Variants in AZIN2 observed in about 807,000 individuals in gnomAD.
The protein encoded by AZIN2 is ODC antizyme inhibitor-2.
A neutral mutation model predicts 47.8 loss-of-function variants in AZIN2; 28 were observed. The observed-to-expected ratio is 0.59, with a 90% CI of 0.43 to 0.80. The LOEUF (loss-of-function observed/expected upper bound fraction) is 0.80, where lower values mean the gene tolerates loss of function less well. Ranked by LOEUF, AZIN2 falls within the 30% of genes least tolerant of loss-of-function variation. The probability of loss-of-function intolerance (pLI) is 0.00; values close to 1 mark genes in which losing one functional copy is unlikely to be tolerated. For synonymous variants in AZIN2, 221 were observed against 239.4 expected (o/e 0.92, Z 0.71); for missense variants, 535 against 582.5 (o/e 0.92, Z 0.84).
chr1:33,135,809 T>G, the AZIN2 span, among the ~76,000 whole-genome samples: 9 of 152,232 alleles, frequency 5.9e-5, no homozygotes, highest in African/African-American at 2.4e-5. Context: ...CTCTTTGATA[T>G]AGACCTGGGA....
chr1:33,134,656 G>A, the AZIN2 span, among the ~76,000 whole-genome samples: 2 of 152,204 alleles, frequency 1.3e-5, no homozygotes, highest in African/African-American at 2.4e-5. Context: ...GTTTACGCAG[G>A]GAAGCTGTGG....
At chr1:33,094,008 C>T (rs1193163417) in intron 7 of AZIN2, among the ~76,000 whole-genome samples, 1 of 152,168 alleles carries the variant, frequency 6.6e-6, no homozygotes, top group Non-Finnish European at 1.5e-5. Flanking sequence ...GCTGGGATTA[C>T]AGGTGTGAGC....
the AZIN2 span, among the ~76,000 whole-genome samples, chr1:33,144,457 G>A: frequency 6.6e-6 from 1 of 152,190 alleles, no homozygotes; most frequent in Non-Finnish European, 1.5e-5. Flanking sequence ...TTACTTCTGA[G>A]CAAGTGTGAT....
chr1:33,093,224 G>C, intron 6 of AZIN2, 58 bp from the exon 7 acceptor site: 1 of 1,602,770 alleles, frequency 6.2e-7, no homozygotes, highest in Non-Finnish European at 8.5e-7. Flanking sequence ...ATTGAGAGAT[G>C]TGGCTGGGGT....
At chr1:33,165,435 CT>C in the AZIN2 span, 1 of 1,537,070 alleles carries the variant, frequency 6.5e-7, no homozygotes, top group East Asian at 2.4e-5. The surrounding 1 kb of genome is among the most constrained non-coding windows in gnomAD (Gnocchi z 4.0). Context: ...GCCCTCATCT[CT>C]GCCGGCCCCA....
At chr1:33,099,086 G>C (rs1485464052) in intron 10 of AZIN2, among the ~76,000 whole-genome samples, 1 of 152,048 alleles carries the variant, frequency 6.6e-6, no homozygotes, top group South Asian at 2.1e-4. Context: ...CTTGACCTTT[G>C]TGCAGCCCCT....
intron 10 of AZIN2, among the ~76,000 whole-genome samples, chr1:33,101,329 G>A (rs1643674573): frequency 6.6e-6 from 1 of 152,176 alleles, no homozygotes; most frequent in South Asian, 2.1e-4. Context: ...ATGAACCACT[G>A]TGCCTGGCCC....
At chr1:33,129,039 A>T in the AZIN2 span, among the ~76,000 whole-genome samples, 1 of 152,114 alleles carries the variant, frequency 6.6e-6, no homozygotes, top group African/African-American at 2.4e-5. The surrounding 1 kb of genome is among the most constrained non-coding windows in gnomAD (Gnocchi z 4.1). Flanking sequence ...CCAGGTAGAA[A>T]AGTCTGGGGA....
At chr1:33,130,612 T>C in the AZIN2 span, among the ~76,000 whole-genome samples, 1 of 152,194 alleles carries the variant, frequency 6.6e-6, no homozygotes, top group Non-Finnish European at 1.5e-5. Flanking sequence ...ATTGCAGCCA[T>C]GTGAGAGGCC....
At chr1:33,102,868 G>A (rs1410622982) in intron 10 of AZIN2, among the ~76,000 whole-genome samples, 2 of 152,124 alleles carry the variant, frequency 1.3e-5, no homozygotes, top group South Asian at 2.1e-4. Context: ...CTGAACTCTT[G>A]ATTTCCAACC....
chr1:33,141,831 G>T, the AZIN2 span: 1 of 167,580 alleles, frequency 6.0e-6, no homozygotes, highest in South Asian at 1.8e-4. Flanking sequence ...ATGTATCCTG[G>T]AACTTAAAAA....
chr1:33,159,788 G>A, the AZIN2 span: 1 of 1,613,840 alleles, frequency 6.2e-7, no homozygotes, highest in South Asian at 1.1e-5. This position sits in a 1 kb window ranked among gnomAD's most constrained non-coding sequence, Gnocchi z 4.2. Flanking sequence ...TTGCGCAGCT[G>A]CTGGCTGTAG....
chr1:33,106,448 C>G (rs923354344), intron 10 of AZIN2, among the ~76,000 whole-genome samples: 27 of 152,078 alleles, frequency 1.8e-4, no homozygotes, highest in African/African-American at 5.6e-4. Flanking sequence ...ACACCAAAGC[C>G]AAATACACCA....
intron 11 of AZIN2, 80 bp downstream of exon 11, chr1:33,118,196 C>A: frequency 7.1e-7 from 1 of 1,411,058 alleles, no homozygotes; most frequent in Non-Finnish European, 9.4e-7. Context: ...TGAGATTCTG[C>A]TTCTGTGTAA....
chr1:33,093,457 C>T, intron 7 of AZIN2, 41 bp downstream of exon 7: 1 of 1,599,256 alleles, frequency 6.3e-7, no homozygotes, highest in South Asian at 1.1e-5. Flanking sequence ...CCACACCAGG[C>T]TCCCTGCCTC....
rs1259206312 is a variant in AZIN2 at position 33,100,068 on chromosome 1, T to C, written c.1029+1889T>C. ...CAGGCGTGGTGGCTCAAGCCTGTAA[T>C]CTCAGCACTTTGGGAGGCAGAGGTG... On this transcript the variant is annotated intron_variant, in intron 10 of 11. Transcript: ENST00000294517. 2.6e-5 allele frequency among the ~76,000 whole-genome samples: 4 copies of C among 152,186 alleles called. No individual in the cohort carries two copies. In the East Asian group the frequency reaches 5.8e-4, roughly 22 times the overall value.
At chr1:33,106,154 A>G (rs1050209477) in intron 10 of AZIN2, among the ~76,000 whole-genome samples, 2 of 152,222 alleles carry the variant, frequency 1.3e-5, no homozygotes, top group Non-Finnish European at 2.9e-5. Flanking sequence ...TACACCAAGA[A>G]ATTGGATAAC....
chr1:33,144,215 G>A, the AZIN2 span, among the ~76,000 whole-genome samples: 1,007 of 147,932 alleles, frequency 6.8e-3, 6 homozygotes, highest in Non-Finnish European at 0.01. Flanking sequence ...CCAGCTCACC[G>A]CAACCTCCGC....
the AZIN2 span, among the ~76,000 whole-genome samples, chr1:33,135,546 T>C: frequency 6.6e-6 from 1 of 152,290 alleles, no homozygotes; most frequent in East Asian, 2.0e-4. Flanking sequence ...GCCCTCAGGA[T>C]GGCCCACAGC....
Sources: allele counts gnomAD v4.1 joint callset (sites outside exome capture counted in the v4.1 genomes callset), GRCh38; gene constraint gnomAD v4.1.1; non-coding constraint Gnocchi (gnomAD v3.1); transcripts MANE v1.5; gene names NCBI Gene and HGNC (gene_info 2026-07-23, HGNC 2026-07-21).